ZNF606: variants seen among roughly 807,000 people sequenced by gnomAD.
The protein encoded by ZNF606 is zinc finger protein 328.
In ZNF606, 37 loss-of-function variants were observed where a neutral mutation model predicts 74.9. The observed-to-expected ratio is 0.49, with a 90% CI of 0.38 to 0.65. The LOEUF (loss-of-function observed/expected upper bound fraction) is 0.65, where lower values mean the gene tolerates loss of function less well. ZNF606 is among the 30% of genes least tolerant of loss of function. The pLI, the probability that ZNF606 is intolerant of heterozygous loss-of-function variation, is 0.00. For missense variants in ZNF606, 852 were observed against 952.9 expected, an observed-to-expected ratio of 0.89 and a Z score of 1.39; for synonymous variants, 328 against 312.4, an observed-to-expected ratio of 1.05 and a Z score of -0.53.
chr19:57,997,178 A>G (rs1432916589), intron 4 of ZNF606, among the ~76,000 whole-genome samples: 1 of 152,230 alleles, frequency 6.6e-6, no homozygotes, highest in Non-Finnish European at 1.5e-5. Context: ...TTTGTTATGC[A>G]GATATCCTAG....
intron 4 of ZNF606, among the ~76,000 whole-genome samples, chr19:57,990,608 C>T (rs1476580123): frequency 6.6e-6 from 1 of 151,666 alleles, no homozygotes; most frequent in African/African-American, 2.4e-5. Context: ...CAGTATACCG[C>T]TCCCACTCCA....
intron 4 of ZNF606, among the ~76,000 whole-genome samples, chr19:57,996,665 G>A (rs1005767996): frequency 3.3e-5 from 5 of 152,194 alleles, no homozygotes; most frequent in Non-Finnish European, 5.9e-5. Flanking sequence ...AAGGGTAGGA[G>A]AGGAAATGCA....
rs192106031 is a variant in ZNF606, at chr19:57,989,127, C to T, written c.178-406G>A. Among the ~76,000 whole-genome samples the T allele has an allele frequency of 5.9e-5, 9 of 152,190 alleles. No homozygotes were observed. In the Middle Eastern group the frequency reaches 0.017, roughly 288 times the overall value. On this transcript the variant is annotated intron_variant, in intron 4 of 6. Coordinates refer to ENST00000551380, the MANE Select transcript of ZNF606 (RefSeq NM_001348022.3). ...GACCTTGAGGATGGAGTCTTTGCTC[C>T]GACACCCAGATAAAGGACCTGAAAG...
chr19:58,002,921 C>T (rs559513780), upstream of ZNF606: 19 of 448,906 alleles, frequency 4.2e-5, no homozygotes, highest in South Asian at 2.7e-4. Context: ...CGCGCCGCCT[C>T]GCCCTGCCTG....
chr19:57,979,246 A>G lies in ZNF606; in HGVS notation c.1434T>C (p.His478=). The G allele has an allele frequency of 6.2e-7, 1 of 1,613,876 alleles. No individual in the cohort carries two copies. The highest frequency in any genetic ancestry group is 1.7e-4 in the Middle Eastern group (1 of 6,056). The change falls in exon 7 of 7, where the codon CAT becomes CAC. Residue 478 remains histidine, a synonymous_variant. Coordinates refer to ENST00000551380, the MANE Select transcript of ZNF606 (RefSeq NM_001348022.3). ...TACAAACATAAGGTTTTTCTCCTGT[A>G]TGAATTCTCTTATGTACAATAAGAT... ...NSHLIVHKRI[H]TGEKPYVCNE... is the part of the protein sequence containing the mutation.
At chr19:57,987,966 A>G (rs2073189904) in intron 6 of ZNF606, among the ~76,000 whole-genome samples, 1 of 152,234 alleles carries the variant, frequency 6.6e-6, no homozygotes, top group Admixed American at 6.5e-5. Context: ...CCTTAGAGGC[A>G]ACCTTAGAGG....
chr19:57,988,910 C>G (rs562949035), intron 4 of ZNF606, among the ~76,000 whole-genome samples, 189 bp from the exon 5 acceptor site: 1 of 146,382 alleles, frequency 6.8e-6, no homozygotes, highest in South Asian at 2.1e-4. Context: ...TTGTTATATA[C>G]TCTTAGGGAA....
At chr19:58,000,811 G>A (rs2123351273) in intron 2 of ZNF606, 72 bp from the exon 3 acceptor site, 2 of 1,409,188 alleles carry the variant, frequency 1.4e-6, no homozygotes, top group Non-Finnish European at 1.9e-6. Context: ...ACAAGAGGAG[G>A]CTGACTCGCT....
chr19:58,001,118 G>T, intron 2 of ZNF606, 171 bp downstream of exon 2: 1 of 721,704 alleles, frequency 1.4e-6, no homozygotes, highest in Non-Finnish European at 2.3e-6. Context: ...AAAAGTTAGT[G>T]TCTTTTATGC....
chr19:57,988,523 C>T (rs1488961589), intron 5 of ZNF606, 72 bp downstream of exon 5: 1 of 1,559,000 alleles, frequency 6.4e-7, no homozygotes, highest in Non-Finnish European at 8.7e-7. Context: ...CTGCAATGAG[C>T]TTCTAAACAT....
rs527250777 is a variant in ZNF606, at chr19:57,982,127, G to A, written c.401-1848C>T. ...GTTCTGGAAGTCAGAAGTCCAAAAC[G>A]GCTTTCACTGGGCTAAAATGGAGTT... On this transcript the variant is annotated intron_variant, in intron 6 of 6. Coordinates refer to ENST00000551380, the MANE Select transcript of ZNF606 (RefSeq NM_001348022.3). Among the ~76,000 whole-genome samples the A allele has an allele frequency of 8.5e-5, 13 of 152,258 alleles. No individual in the cohort carries two copies. The South Asian group carries it at 1.9e-3, about 22-fold the overall frequency.
chr19:57,984,379 T>G (rs151217925), intron 6 of ZNF606, among the ~76,000 whole-genome samples: 11 of 152,254 alleles, frequency 7.2e-5, no homozygotes, highest in African/African-American at 2.6e-4. Context: ...TGGGCAGCAC[T>G]GAAGGTAGAA....
At chr19:57,990,767 A>C (rs2073246164) in intron 4 of ZNF606, among the ~76,000 whole-genome samples, 1 of 151,910 alleles carries the variant, frequency 6.6e-6, no homozygotes, top group Admixed American at 6.6e-5. Context: ...CTGAATTTTC[A>C]GTGTATCCAT....
At chr19:57,981,594 C>T (rs2073086824) in intron 6 of ZNF606, among the ~76,000 whole-genome samples, 1 of 152,068 alleles carries the variant, frequency 6.6e-6, no homozygotes, top group South Asian at 2.1e-4. Flanking sequence ...TTGACAAGTG[C>T]AGAAAAAAGG....
chr19:58,000,977 G>T (rs188582108), intron 2 of ZNF606, among the ~76,000 whole-genome samples: 87 of 152,104 alleles, frequency 5.7e-4, no homozygotes, highest in Middle Eastern at 3.4e-3. Context: ...AACAATAAAG[G>T]TAAAAATATA....
At chr19:58,001,095 G>A (rs1391945793) in intron 2 of ZNF606, 194 bp downstream of exon 2, 5 of 645,826 alleles carry the variant, frequency 7.7e-6, no homozygotes, top group South Asian at 2.1e-5. Flanking sequence ...CTCAGGAGAT[G>A]ACTATAAAAC....
rs551979496 is a variant in ZNF606, at chr19:57,984,973, T to C, written c.400+3234A>G. 1.5e-4 allele frequency among the ~76,000 whole-genome samples: 23 copies of C among 152,212 alleles called. No homozygotes were observed. In the East Asian group the frequency reaches 4.3e-3, roughly 28 times the overall value. ...AGCCAGGCGTGGTGTCGGGCGCCTG[T>C]AGTCCCACCTACTAGGGGGGCTGAG... is the stretch of plus-strand genomic sequence containing the variant. On this transcript the variant is annotated intron_variant, in intron 6 of 6. Transcript: ENST00000551380.
chr19:58,000,125 G>C, intron 3 of ZNF606: 1 of 542,338 alleles, frequency 1.8e-6, no homozygotes, highest in East Asian at 2.9e-5. Flanking sequence ...TCTCTGAGAA[G>C]CAGTGTCTGG....
intron 1 of ZNF606, 160 bp downstream of exon 1, chr19:58,002,236 C>G (rs1017936431): frequency 4.4e-6 from 2 of 456,710 alleles, no homozygotes; most frequent in Admixed American, 4.7e-5. Flanking sequence ...TTTGTGTGAA[C>G]TGGCAGGGGG....
Sources: gnomAD v4.1 joint callset for allele counts (sites outside exome capture counted in the v4.1 genomes callset) on GRCh38, gnomAD v4.1.1 for gene constraint, MANE v1.5 for transcripts, NCBI Gene and HGNC (gene_info 2026-07-23, HGNC 2026-07-21) for gene names.